Variants in DGKG observed in about 807,000 individuals in gnomAD.
The protein encoded by DGKG is diacylglycerol kinase gamma.
DGKG carries 78 observed loss-of-function variants against 105.3 expected under a neutral mutation model. That is an observed-to-expected ratio of 0.74 (90% CI 0.62 to 0.89). DGKG has a LOEUF of 0.89. Among genes scored for constraint, DGKG ranks in the 40% least tolerant of loss-of-function variants. DGKG has a pLI of 0.00. For missense variants in DGKG, 958 were observed against 1,020.1 expected (o/e 0.94, Z 0.83); for synonymous variants, 346 against 367.1 (o/e 0.94, Z 0.66).
In DGKG at chr3:186,150,220, G is replaced by A. The variant is rs1715690856; in HGVS notation, c.2278-32C>T. On this transcript the variant is annotated intron_variant, in intron 24 of 24. Transcript: ENST00000265022. ...GCAAAGAGGCAGAAATGAATTAGTGGCATGCAAATCTCAGTAGCCTAAGGG... is the reference window on the plus strand; with the variant it reads ...GCAAAGAGGCAGAAATGAATTAGTGACATGCAAATCTCAGTAGCCTAAGGG... The A allele has an allele frequency of 5.7e-6, 9 of 1,592,616 alleles. No individual in the cohort carries two copies. In the Admixed American group the frequency reaches 1.0e-4, roughly 18 times the overall value.
chr3:186,158,591 G>T (rs972403533), intron 24 of DGKG: 35 of 921,968 alleles, frequency 3.8e-5, no homozygotes, highest in Non-Finnish European at 3.9e-5. Context: ...TTATGATCTA[G>T]TTTAATAAAT....
At chr3:186,277,131 A>G (rs1269416898) in intron 9 of DGKG, among the ~76,000 whole-genome samples, 2 of 149,272 alleles carry the variant, frequency 1.3e-5, no homozygotes, top group Non-Finnish European at 3.0e-5. Flanking sequence ...ATAATGATTC[A>G]TCAAAAGATT....
intron 5 of DGKG, 147 bp downstream of exon 5, chr3:186,297,274 G>A: frequency 1.5e-6 from 1 of 646,998 alleles, no homozygotes; most frequent in African/African-American, 1.8e-5. Context: ...CCCCAGAGAT[G>A]GAGGTTCTGA....
intron 20 of DGKG, among the ~76,000 whole-genome samples, chr3:186,218,502 GAAAAAAA>G: frequency 1.4e-5 from 1 of 70,384 alleles, no homozygotes; most frequent in East Asian, 4.3e-4. Flanking sequence ...GACTCCGTCT[GAAAAAAA>G]AAAAAAAAAA....
rs1553811123 is a variant in DGKG, at chr3:186,273,367, C to CCTTTTTTTTTTT, written c.911-1025_911-1024insAAAAAAAAAAAG. Among the ~76,000 whole-genome samples the CCTTTTTTTTTTT allele has an allele frequency of 7.0e-5, 6 of 85,598 alleles. 1 individual carries two copies. The highest frequency in any genetic ancestry group is 1.5e-4 in the Admixed American group (1 of 6,778). 56.2% of individuals were successfully genotyped at this position (85,598 alleles called of 152,430 possible). A position where few individuals can be genotyped will look rare whatever the true frequency, so the allele number is the denominator to read the frequency against. On this transcript the variant is annotated intron_variant, in intron 10 of 24. Transcript: ENST00000265022. ...TGGCGCTGGGGAGACTGTTGTACCC[C>CCTTTTTTTTTTT]TTTTTTTTTTTTTTTTTTTTTTTTT...
intron 8 of DGKG, among the ~76,000 whole-genome samples, chr3:186,280,302 G>A (rs1442413097): frequency 6.6e-6 from 1 of 152,222 alleles, no homozygotes; most frequent in African/African-American, 2.4e-5. Context: ...TGACACATAG[G>A]AGCCCCCAAA....
intron 1 of DGKG, among the ~76,000 whole-genome samples, chr3:186,330,015 T>C (rs1042033262): frequency 2.0e-5 from 3 of 152,218 alleles, no homozygotes; most frequent in African/African-American, 7.2e-5. Context: ...TCTCAACCTT[T>C]TATTGACCAA....
intron 21 of DGKG, among the ~76,000 whole-genome samples, chr3:186,199,167 T>C (rs1718325428): frequency 6.6e-6 from 1 of 152,140 alleles, no homozygotes; most frequent in South Asian, 2.1e-4. Flanking sequence ...GCCAGGATTA[T>C]CTGGATCTCT....
intron 3 of DGKG, among the ~76,000 whole-genome samples, chr3:186,305,546 G>C (rs778001977): frequency 6.6e-6 from 1 of 152,128 alleles, no homozygotes; most frequent in Non-Finnish European, 1.5e-5. Context: ...GGAGATTGTG[G>C]AGTAGAGCAG....
At chr3:186,190,828 T>G (rs1379302540) in intron 21 of DGKG, among the ~76,000 whole-genome samples, 1 of 152,322 alleles carries the variant, frequency 6.6e-6, no homozygotes, top group East Asian at 1.9e-4. Context: ...CATTAATATG[T>G]GCGCATAAAA....
chr3:186,340,877 TA>T (rs1229566419), intron 1 of DGKG, among the ~76,000 whole-genome samples: 2 of 152,198 alleles, frequency 1.3e-5, no homozygotes, highest in African/African-American at 2.4e-5. Context: ...TTCTCTCCAT[TA>T]AATTCCTTGT....
chr3:186,181,507 C>T (rs567681086), intron 22 of DGKG, among the ~76,000 whole-genome samples: 3 of 152,140 alleles, frequency 2.0e-5, no homozygotes, highest in Admixed American at 6.5e-5. Flanking sequence ...CCGAGGTGGG[C>T]GAATCACCTG....
In DGKG at chr3:186,361,074, C is replaced by T. The variant is rs1727208173; in HGVS notation, c.-249+872G>A. The stretch of plus-strand genomic sequence containing the variant: ...CGCGGGGGGCGACTGGGGGAGGGGT[C>T]TCGACCGCCACCCTGAGTTCCGCAG... On this transcript the variant is annotated intron_variant, in intron 1 of 24. Transcript: ENST00000265022. The surrounding 1 kb of genome is among the most constrained non-coding windows in gnomAD (Gnocchi z 6.8). Among the ~76,000 whole-genome samples, 1 of 152,204 alleles carries T rather than the reference C, an allele frequency of 6.6e-6. No homozygotes were observed. Among genetic ancestry groups the T allele is most frequent in the African/African-American group, 2.4e-5 (1 of 41,462 alleles).
At chr3:186,298,293 G>A in intron 3 of DGKG, 64 bp from the exon 4 acceptor site, 7 of 1,467,936 alleles carry the variant, frequency 4.8e-6, no homozygotes, top group South Asian at 1.4e-5. Flanking sequence ...GAAGAGAGAA[G>A]GAAAAGGAAT....
intron 21 of DGKG, among the ~76,000 whole-genome samples, chr3:186,211,152 C>T (rs565312792): frequency 4.6e-5 from 7 of 152,282 alleles, no homozygotes; most frequent in South Asian, 4.1e-4. Context: ...ACATAATTTG[C>T]GGGGCCTAGT....
Position 186,264,250 on chromosome 3 carries a change from T to C in DGKG, c.1269+997A>G, listed in dbSNP as rs75215436. ...AAGATTCTCCCCTCATTCGGCCTTA[T>C]GTTTCACTTTTCTTTTTCTTTTTTT... On this transcript the variant is annotated intron_variant, in intron 14 of 24. Coordinates refer to ENST00000265022, the MANE Select transcript of DGKG (RefSeq NM_001346.3). Among the ~76,000 whole-genome samples, 691 of 124,864 alleles carry C rather than the reference T, an allele frequency of 5.5e-3. 6 individuals carry two copies. Among genetic ancestry groups the C allele is most frequent in the African/African-American group, 0.019 (644 of 34,552 alleles). 81.9% of individuals were successfully genotyped at this position (124,864 alleles called of 152,430 possible).
rs548717635 is a variant in DGKG at position 186,327,571 on chromosome 3, ATT to A, written c.-248-6866_-248-6865del. Among the ~76,000 whole-genome samples, 7 of 142,892 alleles carry A rather than the reference ATT, an allele frequency of 4.9e-5. No homozygotes were observed. In the South Asian group the frequency reaches 9.1e-4, roughly 18 times the overall value. The allele number at this position is 142,892 out of a possible 152,430, so 93.7% of individuals were successfully genotyped here. ...AGGTGTATGCCACTATGACCTGCTA[ATT>A]TTTTTTTTTTTTAACTTTTTGTAGA... is the stretch of plus-strand genomic sequence containing the variant. On this transcript the variant is annotated intron_variant, in intron 1 of 24. Transcript: ENST00000265022.
intron 20 of DGKG, among the ~76,000 whole-genome samples, chr3:186,221,036 C>T (rs1475469438): frequency 6.6e-6 from 1 of 152,238 alleles, no homozygotes; most frequent in African/African-American, 2.4e-5. Flanking sequence ...TGCGGGCACA[C>T]ACACAGGCCG....
At chr3:186,242,688 A>C in intron 19 of DGKG, 120 bp from the exon 20 acceptor site, 3 of 774,288 alleles carry the variant, frequency 3.9e-6, no homozygotes, top group Non-Finnish European at 4.0e-6. Flanking sequence ...TATCTATCGC[A>C]TGGTGGGGCT....
Sources: gnomAD v4.1 joint callset for allele counts (sites outside exome capture counted in the v4.1 genomes callset) on GRCh38, gnomAD v4.1.1 for gene constraint, Gnocchi (gnomAD v3.1) non-coding constraint, MANE v1.5 for transcripts, NCBI Gene and HGNC (gene_info 2026-07-23, HGNC 2026-07-21) for gene names.